TMEM232: variants seen among roughly 807,000 people sequenced by gnomAD.
TMEM232 encodes the protein transmembrane protein 232.
In TMEM232, 80 loss-of-function variants were observed where a neutral mutation model predicts 78.8. The observed-to-expected ratio is 1.01, with a 90% confidence interval of 0.85 to 1.22. TMEM232 has a LOEUF of 1.22. Among genes scored for constraint, TMEM232 ranks in the 50% most tolerant of loss-of-function variants. TMEM232 has a pLI of 0.00. For synonymous variants in TMEM232, 297 were observed against 254.3 expected, an observed-to-expected ratio of 1.17 and a Z score of -1.60; for missense variants, 881 against 742.2, an observed-to-expected ratio of 1.19 and a Z score of -2.17.
intron 2 of TMEM232, among the ~76,000 whole-genome samples, chr5:110,413,860 A>G (rs1279668807): frequency 2.0e-5 from 3 of 152,366 alleles, no homozygotes; most frequent in Non-Finnish European, 2.9e-5. Context: ...CTAAAGGGAA[A>G]AAAGACACTG....
At chr5:110,737,502 AAATT>A (rs1260733735) in intron 1 of TMEM232, among the ~76,000 whole-genome samples, 1 of 152,224 alleles carries the variant, frequency 6.6e-6, no homozygotes, top group African/African-American at 2.4e-5. Flanking sequence ...ATCACTTCAG[AAATT>A]AATGAAAGCT....
chr5:110,503,412 G>A (rs1766494489), intron 12 of TMEM232, among the ~76,000 whole-genome samples: 1 of 152,060 alleles, frequency 6.6e-6, no homozygotes, highest in Non-Finnish European at 1.5e-5. Flanking sequence ...GAGAGGAAGG[G>A]AGATGAGTTC....
intron 1 of TMEM232, among the ~76,000 whole-genome samples, chr5:110,670,168 A>C (rs1055462793): frequency 6.6e-6 from 1 of 152,220 alleles, no homozygotes; most frequent in Non-Finnish European, 1.5e-5. Flanking sequence ...AGGGTATTCA[A>C]TTAGGAAAAG....
intron 12 of TMEM232, among the ~76,000 whole-genome samples, chr5:110,503,934 G>A (rs1766565348): frequency 6.6e-6 from 1 of 152,164 alleles, no homozygotes; most frequent in African/African-American, 2.4e-5. Flanking sequence ...TAAGGACATG[G>A]AATAATTGGT....
At chr5:110,598,165 A>G (rs1780418660) in intron 10 of TMEM232, among the ~76,000 whole-genome samples, 2 of 152,212 alleles carry the variant, frequency 1.3e-5, no homozygotes, top group Non-Finnish European at 2.9e-5. Context: ...ATTTACAAGA[A>G]AAAAACAAAC....
At chr5:110,402,576 A>C (rs374121532) in intron 2 of TMEM232, among the ~76,000 whole-genome samples, 16 of 152,230 alleles carry the variant, frequency 1.1e-4, no homozygotes, top group African/African-American at 3.6e-4. Context: ...ATGGCACCAC[A>C]ATCAGTGACA....
intron 12 of TMEM232, 113 bp from the exon 13 acceptor site, chr5:110,425,029 TTAACA>T: frequency 1.2e-6 from 1 of 825,396 alleles, no homozygotes; most frequent in East Asian, 2.7e-5. Context: ...TTCTTCATTG[TTAACA>T]TAAAGTATTT....
At chr5:110,602,678 C>T (rs2149816150) in intron 10 of TMEM232, among the ~76,000 whole-genome samples, 1 of 152,222 alleles carries the variant, frequency 6.6e-6, no homozygotes, top group South Asian at 2.1e-4. Flanking sequence ...AATAGGAATG[C>T]TTTTACACTG....
chr5:110,444,065 A>G (rs919334735), intron 12 of TMEM232, among the ~76,000 whole-genome samples: 6 of 151,996 alleles, frequency 3.9e-5, no homozygotes, highest in Non-Finnish European at 7.4e-5. Flanking sequence ...GGGGTGATGC[A>G]AGCACTCCCT....
chr5:110,496,669 A>C (rs1709459554), intron 12 of TMEM232, among the ~76,000 whole-genome samples: 3 of 152,072 alleles, frequency 2.0e-5, no homozygotes, highest in Admixed American at 2.0e-4. Flanking sequence ...CGCAAGGCTC[A>C]TAAGGAGAAA....
At position 110,701,523 on chromosome 5, in the gene TMEM232, C is replaced by A. The variant is rs150059234; in HGVS notation, c.-13+25104G>T. On this transcript the variant is annotated intron_variant, in intron 1 of 13. Coordinates refer to ENST00000455884, the MANE Select transcript of TMEM232 (RefSeq NM_001039763.4). ...GAGCATTATTAACAATATTATGATTCCCCATCATCCAGCAGTCCCAAGCTC... is the reference window on the plus strand; with the variant it reads ...GAGCATTATTAACAATATTATGATTACCCATCATCCAGCAGTCCCAAGCTC... Among the ~76,000 whole-genome samples the A allele has an allele frequency of 4.4e-4, 67 of 152,048 alleles. 2 individuals are homozygous for A. The East Asian group carries it at 0.012, about 28-fold the overall frequency.
chr5:110,586,805 G>C (rs1422369839), intron 10 of TMEM232, among the ~76,000 whole-genome samples: 1 of 152,020 alleles, frequency 6.6e-6, no homozygotes, highest in Non-Finnish European at 1.5e-5. Flanking sequence ...CAGAGGGTGA[G>C]TTTATGTTAC....
At chr5:110,651,579 T>A (rs1467015604) in intron 2 of TMEM232, among the ~76,000 whole-genome samples, 1 of 152,062 alleles carries the variant, frequency 6.6e-6, no homozygotes, top group Non-Finnish European at 1.5e-5. Flanking sequence ...AGAGTCTGTA[T>A]TTTACTCTGG....
intron 1 of TMEM232, among the ~76,000 whole-genome samples, chr5:110,699,051 CAAACAAAACAAAACA>C (rs139878818): frequency 6.7e-6 from 1 of 149,910 alleles, no homozygotes; most frequent in Non-Finnish European, 1.5e-5. Flanking sequence ...AGGACAAAAA[CAAACAAAACAAAACA>C]AAACAAAACA....
intron 1 of TMEM232, among the ~76,000 whole-genome samples, chr5:110,710,616 C>T (rs1039594869): frequency 1.3e-5 from 2 of 152,026 alleles, no homozygotes; most frequent in African/African-American, 4.8e-5. Flanking sequence ...ATGTGACACA[C>T]TATATCAACA....
chr5:110,687,299 G>T (rs779592516), intron 1 of TMEM232, among the ~76,000 whole-genome samples: 3 of 152,058 alleles, frequency 2.0e-5, no homozygotes, highest in Non-Finnish European at 2.9e-5. Flanking sequence ...AAAAACCCAC[G>T]TGTAACTGCT....
intron 1 of TMEM232, among the ~76,000 whole-genome samples, chr5:110,682,770 C>T (rs1242259847): frequency 6.6e-6 from 1 of 152,066 alleles, no homozygotes; most frequent in Admixed American, 6.6e-5. Context: ...GTAGACAAAT[C>T]CACTATGAGC....
chr5:110,651,544 T>C (rs1788301033), intron 2 of TMEM232, among the ~76,000 whole-genome samples: 1 of 152,020 alleles, frequency 6.6e-6, no homozygotes, highest in South Asian at 2.1e-4. Flanking sequence ...GGACTAGTTC[T>C]CTCAGGGTAT....
chr5:110,487,224 GT>G (rs1764560550), intron 12 of TMEM232, among the ~76,000 whole-genome samples: 2 of 152,032 alleles, frequency 1.3e-5, no homozygotes, highest in South Asian at 4.1e-4. Flanking sequence ...AGTCTTTAGG[GT>G]TTTCAAGGTA....
Sources: allele counts gnomAD v4.1 joint callset (sites outside exome capture counted in the v4.1 genomes callset), GRCh38; gene constraint gnomAD v4.1.1; transcripts MANE v1.5; gene names NCBI Gene and HGNC (gene_info 2026-07-23, HGNC 2026-07-21).